CCDC171: variants seen among roughly 807,000 people sequenced by gnomAD.
CCDC171 encodes coiled-coil domain containing 171, also known as coiled-coil domain-containing protein 171.
A neutral mutation model predicts 168.2 loss-of-function variants in CCDC171; 177 were observed. That is an observed-to-expected ratio of 1.05 (90% confidence interval 0.93 to 1.19). CCDC171 has a LOEUF of 1.19. Ranked by LOEUF, CCDC171 falls within the 50% of genes most tolerant of loss-of-function variation. The pLI is 0.00. For missense variants in CCDC171, 1,991 were observed against 1,539.0 expected, an observed-to-expected ratio of 1.29 and a Z score of -4.91; for synonymous variants, 687 against 540.8, an observed-to-expected ratio of 1.27 and a Z score of -3.75.
intron 10 of CCDC171, among the ~76,000 whole-genome samples, chr9:15,691,554 A>ATATATG (rs1554762250): frequency 7.0e-6 from 1 of 143,608 alleles, no homozygotes; most frequent in African/African-American, 2.5e-5. Flanking sequence ...TTTTATATAT[A>ATATATG]TATATATATA....
At chr9:15,767,526 C>G (rs965601792) in intron 18 of CCDC171, among the ~76,000 whole-genome samples, 3 of 152,036 alleles carry the variant, frequency 2.0e-5, no homozygotes, top group Non-Finnish European at 4.4e-5. Context: ...AATTCTCTCT[C>G]GTTGTGTAAC....
chr9:16,077,558 C>T, the CCDC171 span, among the ~76,000 whole-genome samples: 1 of 152,156 alleles, frequency 6.6e-6, no homozygotes, highest in Non-Finnish European at 1.5e-5. Context: ...GAAGAAAACA[C>T]CTGATCCAAG....
intron 1 of CCDC171, among the ~76,000 whole-genome samples, chr9:16,045,311 CT>C (rs1191788664): frequency 2.0e-5 from 3 of 152,200 alleles, no homozygotes; most frequent in African/African-American, 7.2e-5. Context: ...GTGGTGGCCA[CT>C]GTGGACAACT....
At chr9:15,979,401 A>C (rs1831724137) in intron 3 of CCDC171, among the ~76,000 whole-genome samples, 1 of 152,164 alleles carries the variant, frequency 6.6e-6, no homozygotes, top group Admixed American at 6.5e-5. Flanking sequence ...TTATACCATG[A>C]AGTGTGACAT....
the CCDC171 span, among the ~76,000 whole-genome samples, chr9:16,099,138 C>T: frequency 2.6e-5 from 4 of 152,182 alleles, no homozygotes; most frequent in African/African-American, 4.8e-5. Flanking sequence ...AAAAATTCAT[C>T]TCTTTAAGGC....
intron 18 of CCDC171, among the ~76,000 whole-genome samples, chr9:15,764,453 A>G (rs987779067): frequency 6.6e-6 from 1 of 152,196 alleles, no homozygotes; most frequent in Non-Finnish European, 1.5e-5. Flanking sequence ...TTTTGAAGAT[A>G]GAGCTGATAG....
At chr9:15,884,211 T>C (rs1034065685) in intron 24 of CCDC171, among the ~76,000 whole-genome samples, 91 of 152,298 alleles carry the variant, frequency 6.0e-4, no homozygotes, top group African/African-American at 1.8e-3. Flanking sequence ...CATGTCAGTT[T>C]CCTCATCAGT....
At chr9:15,947,433 A>G (rs1564047619) in intron 25 of CCDC171, among the ~76,000 whole-genome samples, 1 of 152,034 alleles carries the variant, frequency 6.6e-6, no homozygotes, top group African/African-American at 2.4e-5. Context: ...AGTATTTCAT[A>G]TAAGTAGAAT....
intron 25 of CCDC171, among the ~76,000 whole-genome samples, chr9:15,952,728 G>C (rs1278640569): frequency 6.6e-6 from 1 of 152,062 alleles, no homozygotes; most frequent in East Asian, 1.9e-4. Context: ...GAATTTCATT[G>C]GGATTTTGAT....
intron 21 of CCDC171, among the ~76,000 whole-genome samples, chr9:15,844,625 A>G (rs1183664240): frequency 7.9e-5 from 12 of 152,000 alleles, no homozygotes; most frequent in Non-Finnish European, 1.8e-4. Context: ...GAATTATATC[A>G]CTTTGTTTAT....
At chr9:15,762,834 C>G (rs2056525328) in intron 18 of CCDC171, among the ~76,000 whole-genome samples, 1 of 152,196 alleles carries the variant, frequency 6.6e-6, no homozygotes, top group African/African-American at 2.4e-5. Flanking sequence ...GGTGTCTTCT[C>G]TGTCCCTTTA....
At chr9:15,736,374 A>C (rs1939815919) in intron 16 of CCDC171, among the ~76,000 whole-genome samples, 1 of 151,484 alleles carries the variant, frequency 6.6e-6, no homozygotes, top group African/African-American at 2.4e-5. Context: ...TTTTGGAGCT[A>C]GTACCTCACT....
intron 11 of CCDC171, among the ~76,000 whole-genome samples, chr9:15,714,994 T>C (rs1385911643): frequency 6.6e-6 from 1 of 152,206 alleles, no homozygotes; most frequent in Non-Finnish European, 1.5e-5. Context: ...TCTCTGGAAG[T>C]TAATTGCTAC....
chr9:15,651,678 C>T (rs1169361067), intron 7 of CCDC171, among the ~76,000 whole-genome samples: 1 of 152,114 alleles, frequency 6.6e-6, no homozygotes, highest in East Asian at 1.9e-4. Context: ...CAAATGACAG[C>T]ATTTCACTCT....
intron 18 of CCDC171, among the ~76,000 whole-genome samples, chr9:15,765,365 G>GA (rs113337586): frequency 6.6e-6 from 1 of 151,164 alleles, no homozygotes; most frequent in Non-Finnish European, 1.5e-5. Flanking sequence ...ACGAATGAAA[G>GA]AAAAAAAAAT....
intron 24 of CCDC171, among the ~76,000 whole-genome samples, chr9:15,902,589 A>G (rs186604218): frequency 6.5e-4 from 88 of 136,396 alleles, no homozygotes; most frequent in African/African-American, 2.3e-3. Context: ...GCTCCAGTCT[A>G]CAGCTCCCAG....
At chr9:15,801,955 C>T (rs2058848035) in intron 21 of CCDC171, among the ~76,000 whole-genome samples, 2 of 151,992 alleles carry the variant, frequency 1.3e-5, no homozygotes, top group African/African-American at 4.8e-5. Context: ...TCCTTGCATC[C>T]CTGGGATAAA....
At chr9:15,632,988 G>A (rs1174869818) in intron 7 of CCDC171, among the ~76,000 whole-genome samples, 1 of 152,100 alleles carries the variant, frequency 6.6e-6, no homozygotes, top group African/African-American at 2.4e-5. Flanking sequence ...GCTGAAACTG[G>A]GTCCCTTCCT....
intron 21 of CCDC171, among the ~76,000 whole-genome samples, chr9:15,819,264 G>T (rs1218937981): frequency 8.5e-6 from 1 of 117,642 alleles, no homozygotes; most frequent in Non-Finnish European, 1.9e-5. Flanking sequence ...GACCATCGAG[G>T]CTAGGAAGAA....
Sources: gnomAD v4.1 joint callset for allele counts (sites outside exome capture counted in the v4.1 genomes callset) on GRCh38, gnomAD v4.1.1 for gene constraint, MANE v1.5 for transcripts, NCBI Gene and HGNC (gene_info 2026-07-23, HGNC 2026-07-21) for gene names.